The following PTPN3 variants were observed in gnomAD, a reference collection of about 807,000 sequenced individuals.
PTPN3 encodes protein tyrosine phosphatase non-receptor type 3.
In PTPN3, 96 loss-of-function variants were observed where a neutral mutation model predicts 132.7. The ratio of observed to expected loss-of-function variants is 0.72; its 90% confidence interval spans 0.61 to 0.86. The LOEUF (loss-of-function observed/expected upper bound fraction) is 0.86, where lower values mean the gene tolerates loss of function less well. PTPN3 is among the 40% of genes least tolerant of loss of function. PTPN3 has a pLI of 0.00. For missense variants in PTPN3, 1,125 were observed against 1,159.6 expected (o/e 0.97, Z 0.43); for synonymous variants, 398 against 429.0 (o/e 0.93, Z 0.89).
the PTPN3 span, chr9:109,533,376 C>A: frequency 2.9e-6 from 2 of 680,812 alleles, no homozygotes; most frequent in Non-Finnish European, 2.5e-6. Flanking sequence ...GAATTCCTGA[C>A]CCCAGGTGAT....
the PTPN3 span, among the ~76,000 whole-genome samples, chr9:109,528,252 G>A: frequency 6.6e-6 from 1 of 152,144 alleles, no homozygotes; most frequent in African/African-American, 2.4e-5. Context: ...AGACAAATGA[G>A]TTCTAATGTT....
chr9:109,392,395 G>A lies in PTPN3; in HGVS notation c.1954-834C>T, dbSNP rs1274020748. On this transcript the variant is annotated intron_variant, in intron 19 of 25. Transcript: ENST00000374541. Reference sequence around the variant, plus strand: ...GTTGGAAGTGATTTTTTTTTTTTGCGGAAAATTTGGGAAATTCAGACTAAT... The same window carrying A: ...GTTGGAAGTGATTTTTTTTTTTTGCAGAAAATTTGGGAAATTCAGACTAAT... 2.7e-5 allele frequency among the ~76,000 whole-genome samples: 4 copies of A among 149,350 alleles called. No homozygotes were observed. In the South Asian group the frequency reaches 6.3e-4, roughly 24 times the overall value.
chr9:109,460,529 C>A (rs1337025026), intron 2 of PTPN3, among the ~76,000 whole-genome samples: 2 of 152,102 alleles, frequency 1.3e-5, no homozygotes, highest in East Asian at 1.9e-4. Context: ...CTTCTGCTAC[C>A]CTCCCCCCTT....
chr9:109,487,494 G>C (rs1184251810), intron 1 of PTPN3, among the ~76,000 whole-genome samples: 2 of 152,248 alleles, frequency 1.3e-5, no homozygotes, highest in Non-Finnish European at 2.9e-5. Context: ...CAGAGGCTCT[G>C]ATTCAGACCA....
intron 19 of PTPN3, among the ~76,000 whole-genome samples, chr9:109,394,441 T>C (rs1389129476): frequency 2.0e-5 from 3 of 151,860 alleles, no homozygotes; most frequent in East Asian, 1.9e-4. Context: ...AAAAGTGTTA[T>C]GGCAGTGTTT....
At chr9:109,476,643 T>C (rs1012411675) in intron 1 of PTPN3, among the ~76,000 whole-genome samples, 1 of 152,114 alleles carries the variant, frequency 6.6e-6, no homozygotes, top group Non-Finnish European at 1.5e-5. Flanking sequence ...CACTGGAGGT[T>C]TGAAGGAATA....
chr9:109,405,088 C>T (rs890706421), intron 18 of PTPN3, among the ~76,000 whole-genome samples: 13 of 152,300 alleles, frequency 8.5e-5, no homozygotes, highest in African/African-American at 3.1e-4. Context: ...AACTCAGGGC[C>T]GTTTCTATGT....
chr9:109,464,360 T>C (rs1427929466), intron 1 of PTPN3, among the ~76,000 whole-genome samples: 1 of 151,994 alleles, frequency 6.6e-6, no homozygotes, highest in Non-Finnish European at 1.5e-5. Context: ...TTTGAGAACA[T>C]ATGGACACAA....
intron 7 of PTPN3, among the ~76,000 whole-genome samples, chr9:109,440,854 C>T (rs1270351233): frequency 6.6e-6 from 1 of 152,204 alleles, no homozygotes; most frequent in East Asian, 1.9e-4. Context: ...GTGGTTTTCC[C>T]TTTAAATCCT....
chr9:109,511,343 C>T, the PTPN3 span: 2 of 152,608 alleles, frequency 1.3e-5, no homozygotes, highest in South Asian at 2.1e-4. Flanking sequence ...ATGCCAGGTT[C>T]AAGGGGCAGC....
chr9:109,501,915 C>T (rs778028162), upstream of PTPN3, among the ~76,000 whole-genome samples: 17 of 152,130 alleles, frequency 1.1e-4, no homozygotes, highest in Non-Finnish European at 2.2e-4. Flanking sequence ...AAGCCAGGAC[C>T]GTAAGAGCAG....
rs1003196642 is a variant in PTPN3, at chr9:109,413,366, C to T, written c.1314-2951G>A. On this transcript the variant is annotated intron_variant, in intron 14 of 25. Coordinates refer to ENST00000374541, the MANE Select transcript of PTPN3 (RefSeq NM_002829.4). ...GTGTACACAGGTGCTCTGTAGGGCG[C>T]GGTGATATTCTGTTCAGTGTGCAAG... Among the ~76,000 whole-genome samples the T allele has an allele frequency of 3.3e-5, 5 of 152,190 alleles. No individual in the cohort carries two copies. The South Asian group carries it at 6.2e-4, about 19-fold the overall frequency.
chr9:109,509,302 C>T, the PTPN3 span, among the ~76,000 whole-genome samples: 1 of 152,150 alleles, frequency 6.6e-6, no homozygotes, highest in Admixed American at 6.5e-5. Context: ...TGTTGTCAGC[C>T]TCTGTGACAG....
the PTPN3 span, among the ~76,000 whole-genome samples, chr9:109,522,314 T>A: frequency 6.6e-6 from 1 of 152,182 alleles, no homozygotes; most frequent in Non-Finnish European, 1.5e-5. Context: ...GCCAAAAGTG[T>A]GGGCCCCTCA....
chr9:109,406,555 T>C lies in PTPN3; in HGVS notation c.1699A>G (p.Ile567Val), dbSNP rs1841582644. The C allele has an allele frequency of 6.2e-7, 1 of 1,614,074 alleles. No homozygotes were observed. The change falls in exon 18 of 26, where the codon ATC (isoleucine) becomes GTC (valine). Residue 567 changes from isoleucine to valine, a missense_variant. Transcript: ENST00000374541. ...ACTTGGTCATGCGTGTGTTCTGAGA[T>C]GTCCCGGCCATTGATTAACACGATT... ...DQIVLINGRD[I>V]SEHTHDQVVM... is the part of the protein sequence containing the mutation.
At chr9:109,465,266 T>C (rs1221833950) in intron 1 of PTPN3, among the ~76,000 whole-genome samples, 13 of 152,228 alleles carry the variant, frequency 8.5e-5, no homozygotes, top group Admixed American at 8.5e-4. Flanking sequence ...GGTGGGAGGA[T>C]CTAGGCTTCT....
chr9:109,434,043 T>C (rs1843856479), intron 9 of PTPN3, among the ~76,000 whole-genome samples: 1 of 152,102 alleles, frequency 6.6e-6, no homozygotes, highest in South Asian at 2.1e-4. Context: ...CGCTACAAGT[T>C]TGAGAACAAG....
At chr9:109,455,916 G>A (rs1298587896) in intron 4 of PTPN3, among the ~76,000 whole-genome samples, 1 of 152,212 alleles carries the variant, frequency 6.6e-6, no homozygotes, top group Non-Finnish European at 1.5e-5. Flanking sequence ...GAGTTAATGA[G>A]AGAATGAATG....
rs142735186 is a variant in PTPN3 at position 109,411,127 on chromosome 9, G to T, written c.1314-712C>A. ...TATGCGGCCAGTGGCTCCCGTATGAGACAGTGCAGTCAGAGAACATTTCAC... is the reference window on the plus strand; with the variant it reads ...TATGCGGCCAGTGGCTCCCGTATGATACAGTGCAGTCAGAGAACATTTCAC... On this transcript the variant is annotated intron_variant, in intron 14 of 25. Coordinates refer to ENST00000374541, the MANE Select transcript of PTPN3 (RefSeq NM_002829.4). 8.8e-3 allele frequency among the ~76,000 whole-genome samples: 1,340 copies of T among 152,328 alleles called. 17 individuals carry two copies. The highest frequency in any genetic ancestry group is 0.013 in the Non-Finnish European group (855 of 68,030).
Sources: gnomAD v4.1 joint callset for allele counts (sites outside exome capture counted in the v4.1 genomes callset) on GRCh38, gnomAD v4.1.1 for gene constraint, MANE v1.5 for transcripts, NCBI Gene and HGNC (gene_info 2026-07-23, HGNC 2026-07-21) for gene names.